SHLD2: variants seen among roughly 807,000 people sequenced by gnomAD.
The protein encoded by SHLD2 is RINN1-REV7-interacting novel NHEJ regulator 2.
SHLD2 carries 30 observed loss-of-function variants against 73.2 expected under a neutral mutation model. The ratio of observed to expected loss-of-function variants is 0.41; its 90% CI spans 0.31 to 0.56. The LOEUF (loss-of-function observed/expected upper bound fraction) is 0.56. Among genes scored for constraint, SHLD2 ranks in the 20% least tolerant of loss-of-function variants. The pLI, the probability that SHLD2 is intolerant of heterozygous loss-of-function variation, is 0.28. For missense variants in SHLD2, 745 were observed against 1,055.9 expected, an observed-to-expected ratio of 0.71 and a Z score of 4.08; for synonymous variants, 285 against 370.1, an observed-to-expected ratio of 0.77 and a Z score of 2.64.
intron 2 of SHLD2, among the ~76,000 whole-genome samples, chr10:87,141,005 C>T (rs1359942325): frequency 1.3e-5 from 2 of 151,334 alleles, no homozygotes; most frequent in Non-Finnish European, 2.9e-5. Context: ...AAAGGCGAGG[C>T]ACAGTGACTC....
intron 6 of SHLD2, among the ~76,000 whole-genome samples, chr10:87,172,982 T>C (rs905757953): frequency 2.6e-5 from 4 of 152,064 alleles, no homozygotes; most frequent in Non-Finnish European, 4.4e-5. Flanking sequence ...TAAAAACTTC[T>C]ATTATAAAAG....
At chr10:87,097,867 C>G (rs1194425703) in intron 2 of SHLD2, among the ~76,000 whole-genome samples, 1 of 152,074 alleles carries the variant, frequency 6.6e-6, no homozygotes, top group Non-Finnish European at 1.5e-5. Context: ...TCCAGTGATT[C>G]TCCTGCCTCA....
intron 2 of SHLD2, among the ~76,000 whole-genome samples, chr10:87,100,205 C>G (rs1842174893): frequency 6.6e-6 from 1 of 152,040 alleles, no homozygotes; most frequent in Non-Finnish European, 1.5e-5. Context: ...AAGATTTACT[C>G]CTTTGTTTTC....
chr10:87,174,933 G>A (rs1320800512), intron 6 of SHLD2, among the ~76,000 whole-genome samples: 1 of 151,842 alleles, frequency 6.6e-6, no homozygotes, highest in Admixed American at 6.6e-5. Context: ...GGCTAACACG[G>A]TGAAACCCCG....
intron 3 of SHLD2, 92 bp downstream of exon 3, chr10:87,152,971 T>A (rs375278313): frequency 1.3e-4 from 157 of 1,247,020 alleles, no homozygotes; most frequent in Middle Eastern, 1.1e-3. Flanking sequence ...GAAGACTCTT[T>A]AGTCATTTGC....
chr10:87,146,198 G>C (rs1160683404), intron 2 of SHLD2, among the ~76,000 whole-genome samples: 1 of 152,214 alleles, frequency 6.6e-6, no homozygotes, highest in East Asian at 1.9e-4. Flanking sequence ...GACGAAGCTT[G>C]TTCAACCCAC....
At chr10:87,123,418 C>T (rs903363712) in intron 2 of SHLD2, among the ~76,000 whole-genome samples, 3 of 151,974 alleles carry the variant, frequency 2.0e-5, no homozygotes, top group African/African-American at 7.2e-5. Context: ...TCTTTCACCT[C>T]AGCCTCCAGG....
chr10:87,105,660 G>C (rs373264311), intron 2 of SHLD2, among the ~76,000 whole-genome samples: 13 of 152,192 alleles, frequency 8.5e-5, no homozygotes, highest in African/African-American at 2.7e-4. Flanking sequence ...TACCTACTCT[G>C]CTCTTCTCTC....
chr10:87,138,837 G>A (rs1844985522), intron 2 of SHLD2, among the ~76,000 whole-genome samples: 1 of 152,166 alleles, frequency 6.6e-6, no homozygotes, highest in Non-Finnish European at 1.5e-5. Context: ...GCACAGGATA[G>A]TGATCCCTGA....
chr10:87,139,976 T>C (rs1255790563), intron 2 of SHLD2, among the ~76,000 whole-genome samples: 1 of 152,202 alleles, frequency 6.6e-6, no homozygotes, highest in East Asian at 1.9e-4. Flanking sequence ...CAGTAGAACC[T>C]ATTCACATTG....
chr10:87,161,465 A>C (rs1255279507), intron 4 of SHLD2, among the ~76,000 whole-genome samples: 2 of 152,182 alleles, frequency 1.3e-5, no homozygotes, highest in Non-Finnish European at 2.9e-5. Context: ...AATAATAGTA[A>C]TTAGACTTAA....
At chr10:87,139,722 G>A (rs1236164170) in intron 2 of SHLD2, among the ~76,000 whole-genome samples, 1 of 152,126 alleles carries the variant, frequency 6.6e-6, no homozygotes, top group African/African-American at 2.4e-5. Flanking sequence ...CAGCTTGGGA[G>A]GCTGAGGCAC....
intron 3 of SHLD2, among the ~76,000 whole-genome samples, chr10:87,156,067 C>CTT (rs1223191446): frequency 1.4e-4 from 19 of 134,948 alleles, no homozygotes; most frequent in African/African-American, 3.0e-4. Flanking sequence ...AGAAATCTTC[C>CTT]TTTTTTTTTT....
At chr10:87,188,471 G>C (rs900714951) in intron 9 of SHLD2, among the ~76,000 whole-genome samples, 27 of 152,252 alleles carry the variant, frequency 1.8e-4, no homozygotes, top group African/African-American at 6.0e-4. Flanking sequence ...GCCAGATGGT[G>C]CTTTGTGTTT....
chr10:87,186,777 GATT>G (rs1449874509), intron 8 of SHLD2, among the ~76,000 whole-genome samples: 7 of 151,572 alleles, frequency 4.6e-5, no homozygotes, highest in Non-Finnish European at 7.4e-5. Flanking sequence ...TGAAATATGT[GATT>G]ATTATTTTTA....
At position 87,183,906 on chromosome 10, in the gene SHLD2, C is replaced by T. The variant is rs3129425; in HGVS notation, c.2400-3179C>T. 5.5e-3 allele frequency among the ~76,000 whole-genome samples: 836 copies of T among 152,284 alleles called. 11 individuals carry two copies. The highest frequency in any genetic ancestry group is 0.019 in the African/African-American group (801 of 41,546). On this transcript the variant is annotated intron_variant, in intron 8 of 9. Coordinates refer to ENST00000298786, the MANE Select transcript of SHLD2 (RefSeq NM_001330112.2). ...GGGGTTAATCTTGAGCTCTCGTCTG[C>T]GTCCTTCCTCTTATTCTTTCTGTAC...
At chr10:87,115,769 A>G (rs1257744424) in intron 2 of SHLD2, among the ~76,000 whole-genome samples, 1 of 152,202 alleles carries the variant, frequency 6.6e-6, no homozygotes, top group Non-Finnish European at 1.5e-5. Context: ...ATCAATGAAT[A>G]GGTAATGTAA....
chr10:87,112,416 G>A (rs1162473639), intron 2 of SHLD2, among the ~76,000 whole-genome samples: 1 of 152,088 alleles, frequency 6.6e-6, no homozygotes, highest in African/African-American at 2.4e-5. Context: ...TATAATCCCA[G>A]CACTTTGAGA....
chr10:87,149,495 G>A (rs1363200490), intron 2 of SHLD2, among the ~76,000 whole-genome samples: 4 of 151,878 alleles, frequency 2.6e-5, no homozygotes, highest in African/African-American at 9.7e-5. Context: ...GGCCAAGGTG[G>A]GTGGATCACT....
Sources: allele counts gnomAD v4.1 joint callset (sites outside exome capture counted in the v4.1 genomes callset), GRCh38; gene constraint gnomAD v4.1.1; transcripts MANE v1.5; gene names NCBI Gene and HGNC (gene_info 2026-07-23, HGNC 2026-07-21).